STX8: variants seen among roughly 807,000 people sequenced by gnomAD.
The protein encoded by STX8 is syntaxin-8.
A neutral mutation model predicts 37.5 loss-of-function variants in STX8; 23 were observed. That is an observed-to-expected ratio of 0.61 (90% confidence interval 0.44 to 0.87). The LOEUF (loss-of-function observed/expected upper bound fraction) is 0.87, where lower values mean the gene tolerates loss of function less well. STX8 is among the 40% of genes least tolerant of loss of function. The probability of loss-of-function intolerance (pLI) is 0.00; values close to 1 mark genes in which losing one functional copy is unlikely to be tolerated. For synonymous variants in STX8, 115 were observed against 99.1 expected (o/e 1.16, Z -0.95); for missense variants, 313 against 284.7 (o/e 1.10, Z -0.71).
intron 7 of STX8, among the ~76,000 whole-genome samples, chr17:9,376,225 T>G (rs1597632839): frequency 6.6e-6 from 1 of 152,216 alleles, no homozygotes; most frequent in East Asian, 1.9e-4. Context: ...GCTAAAGGTT[T>G]GAAAACGCAC....
intron 5 of STX8, among the ~76,000 whole-genome samples, chr17:9,499,444 G>A (rs1175909757): frequency 6.6e-6 from 1 of 152,284 alleles, no homozygotes; most frequent in Admixed American, 6.5e-5. Context: ...CTGTCGCCAG[G>A]CTGGAGTGTA....
At chr17:9,349,293 G>A (rs1221789386) in intron 7 of STX8, among the ~76,000 whole-genome samples, 10 of 150,740 alleles carry the variant, frequency 6.6e-5, no homozygotes, top group South Asian at 4.2e-4. Context: ...CACTGCACCC[G>A]GCCGATAAAT....
At position 9,512,574 on chromosome 17, in the gene STX8, C is replaced by T. The variant is rs146543473; in HGVS notation, c.324-7412G>A. On this transcript the variant is annotated intron_variant, in intron 4 of 7. Transcript: ENST00000306357. ...GCCTCCCAGGCTCAAGTGAGCCTCC[C>T]ACCTCAGTCTCCTGAGTAGTTGGGA... Among the ~76,000 whole-genome samples, 72 of 152,196 alleles carry T rather than the reference C, an allele frequency of 4.7e-4. No homozygotes were observed. The East Asian group carries it at 0.011, about 23-fold the overall frequency.
At chr17:9,548,661 TA>T (rs1435577839) in intron 3 of STX8, 1 of 152,186 alleles carries the variant, frequency 6.6e-6, no homozygotes, top group African/African-American at 2.4e-5. Context: ...GAAAGCTGTT[TA>T]GGGGGCTGAT....
chr17:9,259,481 T>C lies in STX8; in HGVS notation c.644-8836A>G, dbSNP rs568838512. On this transcript the variant is annotated intron_variant, in intron 7 of 7. Transcript: ENST00000306357. ...AAAACAGAGGAACACCTGGGTGGCA[T>C]TTAGTGTAGAAACAGAGGGAGCAAT... is the stretch of plus-strand genomic sequence containing the variant. Among the ~76,000 whole-genome samples the C allele has an allele frequency of 4.7e-4, 71 of 152,190 alleles. 2 individuals carry two copies. In the South Asian group the frequency reaches 0.015, roughly 32 times the overall value.
chr17:9,444,103 C>G (rs573850176), intron 6 of STX8, among the ~76,000 whole-genome samples: 1 of 152,288 alleles, frequency 6.6e-6, no homozygotes, highest in African/African-American at 2.4e-5. Context: ...GTCCACCAGT[C>G]CTCATCCCAT....
intron 7 of STX8, among the ~76,000 whole-genome samples, chr17:9,253,830 C>T (rs931019130): frequency 6.6e-5 from 10 of 152,070 alleles, no homozygotes; most frequent in South Asian, 4.2e-4. Flanking sequence ...ATGAGAAGAG[C>T]GGAGCAAGTG....
chr17:9,472,458 T>C (rs1486075686), intron 6 of STX8, among the ~76,000 whole-genome samples: 1 of 152,160 alleles, frequency 6.6e-6, no homozygotes, highest in Non-Finnish European at 1.5e-5. Flanking sequence ...CACCGTAGCC[T>C]CCAAGGAGAG....
At chr17:9,287,969 C>T (rs1205988105) in intron 7 of STX8, among the ~76,000 whole-genome samples, 1 of 151,242 alleles carries the variant, frequency 6.6e-6, no homozygotes, top group African/African-American at 2.4e-5. Context: ...AGGATGGTTT[C>T]AATCTCTTGA....
At chr17:9,442,800 G>A (rs568004314) in intron 6 of STX8, among the ~76,000 whole-genome samples, 1 of 152,264 alleles carries the variant, frequency 6.6e-6, no homozygotes, top group Non-Finnish European at 1.5e-5. Context: ...GGCAAGCATT[G>A]TCTCCAGGTG....
In STX8 at chr17:9,463,681, G is replaced by A. The variant is rs568803400; in HGVS notation, c.541+28148C>T. Among the ~76,000 whole-genome samples the A allele has an allele frequency of 8.3e-4, 126 of 152,298 alleles. 1 individual carries two copies. The highest frequency in any genetic ancestry group is 3.0e-3 in the African/African-American group (123 of 41,564). ...CCAGCACTTTGGGAGGCCGAGCTGG[G>A]CGGATCACCTGAGGTTGGGAGTTTG... is the stretch of plus-strand genomic sequence containing the variant. On this transcript the variant is annotated intron_variant, in intron 6 of 7. Transcript: ENST00000306357.
chr17:9,343,449 C>T (rs1910440405), intron 7 of STX8, among the ~76,000 whole-genome samples: 1 of 151,964 alleles, frequency 6.6e-6, no homozygotes. Flanking sequence ...TAAAATAAAC[C>T]CCATGCTTTT....
chr17:9,375,822 T>C (rs1911561060), intron 7 of STX8, among the ~76,000 whole-genome samples: 1 of 152,190 alleles, frequency 6.6e-6, no homozygotes, highest in Non-Finnish European at 1.5e-5. Flanking sequence ...ATCTCTATTA[T>C]CCCCATTTCA....
intron 4 of STX8, among the ~76,000 whole-genome samples, chr17:9,524,563 T>C (rs974029062): frequency 2.6e-5 from 4 of 152,132 alleles, no homozygotes; most frequent in Non-Finnish European, 5.9e-5. Flanking sequence ...TTCTAACATA[T>C]GAATCTTGGG....
intron 6 of STX8, among the ~76,000 whole-genome samples, chr17:9,456,889 G>T (rs533940909): frequency 1.3e-5 from 2 of 152,174 alleles, no homozygotes; most frequent in African/African-American, 4.8e-5. Context: ...GGATTCTGGG[G>T]TTTTTTTCTC....
At chr17:9,567,905 C>T (rs897409452) in intron 2 of STX8, among the ~76,000 whole-genome samples, 5 of 152,026 alleles carry the variant, frequency 3.3e-5, no homozygotes, top group African/African-American at 7.2e-5. Context: ...AGGCTGGTCT[C>T]GAATTCTTGA....
intron 7 of STX8, among the ~76,000 whole-genome samples, chr17:9,333,131 A>G (rs2142220109): frequency 6.6e-6 from 1 of 152,298 alleles, no homozygotes; most frequent in South Asian, 2.1e-4. Context: ...CAGGAGGTAC[A>G]TATACAGATT....
At chr17:9,458,506 A>T (rs902379351) in intron 6 of STX8, among the ~76,000 whole-genome samples, 2 of 152,260 alleles carry the variant, frequency 1.3e-5, no homozygotes, top group Non-Finnish European at 2.9e-5. Flanking sequence ...TTTCTACCAC[A>T]TTCTTCAAAA....
chr17:9,293,659 C>A (rs1174542982), intron 7 of STX8, among the ~76,000 whole-genome samples: 1 of 152,208 alleles, frequency 6.6e-6, no homozygotes, highest in Admixed American at 6.5e-5. Flanking sequence ...GTGAATACGA[C>A]ACTTTGTACT....
Sources: gnomAD v4.1 joint callset for allele counts (sites outside exome capture counted in the v4.1 genomes callset) on GRCh38, gnomAD v4.1.1 for gene constraint, MANE v1.5 for transcripts, NCBI Gene and HGNC (gene_info 2026-07-23, HGNC 2026-07-21) for gene names.